Variants in PCDHGA11 observed in about 807,000 individuals in gnomAD.
PCDHGA11 encodes protocadherin gamma-A11.
PCDHGA11 carries 39 observed loss-of-function variants against 60.4 expected under a neutral mutation model. That is an observed-to-expected ratio of 0.65 (90% confidence interval 0.50 to 0.84). PCDHGA11 has a LOEUF of 0.84. Among genes scored for constraint, PCDHGA11 ranks in the 40% least tolerant of loss-of-function variants. The pLI, the probability that PCDHGA11 is intolerant of heterozygous loss-of-function variation, is 0.00. For missense variants in PCDHGA11, 1,165 were observed against 1,197.7 expected, an observed-to-expected ratio of 0.97 and a Z score of 0.40; for synonymous variants, 533 against 510.3, an observed-to-expected ratio of 1.04 and a Z score of -0.60.
At chr5:141,438,287 T>C (rs1183751436) in intron 1 of PCDHGA11, among the ~76,000 whole-genome samples, 1 of 152,054 alleles carries the variant, frequency 6.6e-6, no homozygotes, top group African/African-American at 2.4e-5. Context: ...TAATTTAATC[T>C]GTATGTAAAA....
At chr5:141,502,660 A>T (rs1423714257) in intron 2 of PCDHGA11, among the ~76,000 whole-genome samples, 2 of 152,208 alleles carry the variant, frequency 1.3e-5, no homozygotes, top group African/African-American at 4.8e-5. Flanking sequence ...GCAACCCTTC[A>T]TGCAATTTTA....
chr5:141,497,412 A>G (rs963440048), intron 2 of PCDHGA11, among the ~76,000 whole-genome samples: 13 of 151,982 alleles, frequency 8.6e-5, no homozygotes, highest in African/African-American at 3.1e-4. Flanking sequence ...CTCCCATTCC[A>G]TCAAATGAGA....
At chr5:141,430,392 A>G (rs2097281137) in intron 1 of PCDHGA11, among the ~76,000 whole-genome samples, 1 of 152,136 alleles carries the variant, frequency 6.6e-6, no homozygotes, top group Non-Finnish European at 1.5e-5. Context: ...GGAAAAAAAA[A>G]AAAAGCTCAC....
intron 1 of PCDHGA11, among the ~76,000 whole-genome samples, chr5:141,480,115 G>A (rs1164458958): frequency 6.6e-6 from 1 of 152,110 alleles, no homozygotes; most frequent in African/African-American, 2.4e-5. Flanking sequence ...CATGGTGCCT[G>A]GCATATCATA....
chr5:141,447,257 A>G (rs1182682161), intron 1 of PCDHGA11, among the ~76,000 whole-genome samples: 1 of 152,080 alleles, frequency 6.6e-6, no homozygotes, highest in Non-Finnish European at 1.5e-5. Flanking sequence ...CTTCTGTCTC[A>G]GCCTCCCAAG....
chr5:141,490,908 C>T lies in PCDHGA11; in HGVS notation c.2434-3899C>T, dbSNP rs201078924. On this transcript the variant is annotated intron_variant, in intron 1 of 3. Coordinates refer to ENST00000398587, the MANE Select transcript of PCDHGA11 (RefSeq NM_018914.3). This position sits in a 1 kb window ranked among gnomAD's most constrained non-coding sequence, Gnocchi z 5.4. The stretch of plus-strand genomic sequence containing the variant: ...CATCTCTGCATGTGTTTGTCCTAGA[C>T]GAGAATGATAATGCCCCAGCTGTGC... 42 of 1,613,710 alleles carry T rather than the reference C, an allele frequency of 2.6e-5. No homozygotes were observed. The highest frequency in any genetic ancestry group is 8.3e-5 in the Admixed American group (5 of 60,018).
chr5:141,423,213 C>A lies in PCDHGA11; in HGVS notation c.1986C>A (p.Thr662=). The part of the protein sequence containing the change: ...QPPLSATVTL[T]VAVADSIPEV... ...CTCTCTCGGCCACCGTCACGCTCAC[C>A]GTGGCTGTGGCCGACAGCATCCCCG... The change falls in exon 1 of 4, where the codon ACC becomes ACA. Residue 662 remains threonine (T), a synonymous_variant. Coordinates refer to ENST00000398587, the MANE Select transcript of PCDHGA11 (RefSeq NM_018914.3). 1 of 1,613,710 alleles carries A rather than the reference C, an allele frequency of 6.2e-7. No individual in the cohort carries two copies. The highest frequency in any genetic ancestry group is 8.5e-7 in the Non-Finnish European group (1 of 1,180,010).
At chr5:141,496,509 C>A (rs955577717) in intron 2 of PCDHGA11, among the ~76,000 whole-genome samples, 3 of 152,168 alleles carry the variant, frequency 2.0e-5, no homozygotes, top group Non-Finnish European at 4.4e-5. Context: ...GCCACAAGGA[C>A]CCAGGAGCCC....
In PCDHGA11 at chr5:141,477,377, C is replaced by A. The variant is rs1456451105; in HGVS notation, c.2434-17430C>A. On this transcript the variant is annotated intron_variant, in intron 1 of 3. Coordinates refer to ENST00000398587, the MANE Select transcript of PCDHGA11 (RefSeq NM_018914.3). This position sits in a 1 kb window ranked among gnomAD's most constrained non-coding sequence, Gnocchi z 4.9. ...TGCAGACCTGGATCGGGAGACTGTG[C>A]CAGAATACAACCTCAGCATCACCGC... 1.2e-6 allele frequency: 2 copies of A among 1,614,026 alleles called. No homozygotes were observed. The highest frequency in any genetic ancestry group is 1.7e-6 in the Non-Finnish European group (2 of 1,180,032).
Position 141,432,076 on chromosome 5 carries a change from G to T in PCDHGA11, c.2433+8416G>T. ...CCCTATCCACGGAAACTCATATCTC[G>T]CTGAACGTGGCAGACACCAACGACA... On this transcript the variant is annotated intron_variant, in intron 1 of 3. Transcript: ENST00000398587. This position sits in a 1 kb window ranked among gnomAD's most constrained non-coding sequence, Gnocchi z 6.0. 1.2e-6 allele frequency: 2 copies of T among 1,614,160 alleles called. No homozygotes were observed. Among genetic ancestry groups the T allele is most frequent in the Non-Finnish European group, 1.7e-6 (2 of 1,180,024 alleles).
intron 1 of PCDHGA11, among the ~76,000 whole-genome samples, chr5:141,429,660 ATATAT>A (rs1388009014): frequency 1.3e-5 from 2 of 152,336 alleles, no homozygotes; most frequent in African/African-American, 4.8e-5. Flanking sequence ...CCAATTTAAA[ATATAT>A]TATTTTATTT....
intron 1 of PCDHGA11, chr5:141,426,408 G>A (rs2096933631): frequency 1.2e-5 from 3 of 258,388 alleles, no homozygotes; most frequent in South Asian, 4.8e-5. Flanking sequence ...CAGAAGAAAC[G>A]GTCCAGGGCT....
At chr5:141,510,677 A>G (rs2099882239) in intron 3 of PCDHGA11, among the ~76,000 whole-genome samples, 2 of 152,212 alleles carry the variant, frequency 1.3e-5, no homozygotes, top group African/African-American at 4.8e-5. Context: ...CTGAAGTGGC[A>G]TAAGGAGGTT....
chr5:141,477,639 G>T lies in PCDHGA11; in HGVS notation c.2434-17168G>T, dbSNP rs2099414883. ...GGAGCTGAAACCGGGCTAGTGGGTCGCTATTTCACAATAAATCGTGACAAT... is the reference window on the plus strand; with the variant it reads ...GGAGCTGAAACCGGGCTAGTGGGTCTCTATTTCACAATAAATCGTGACAAT... On this transcript the variant is annotated intron_variant, in intron 1 of 3. Transcript: ENST00000398587. The surrounding 1 kb of genome is among the most constrained non-coding windows in gnomAD (Gnocchi z 4.9). 3.1e-6 allele frequency: 5 copies of T among 1,614,004 alleles called. No homozygotes were observed. Among genetic ancestry groups the T allele is most frequent in the Non-Finnish European group, 4.2e-6 (5 of 1,180,034 alleles).
rs367578838 is a variant in PCDHGA11, at chr5:141,432,537, C to A, written c.2433+8877C>A. The A allele has an allele frequency of 5.0e-6, 8 of 1,613,882 alleles. No individual in the cohort carries two copies. Among genetic ancestry groups the A allele is most frequent in the African/African-American group, 1.3e-5 (1 of 74,922 alleles). Reference sequence around the variant, plus strand: ...GGCTACCTGGTGACCAAGGTGGTGGCGGTGGACAGAGACTCCGGCCAGAAC... The same window carrying A: ...GGCTACCTGGTGACCAAGGTGGTGGAGGTGGACAGAGACTCCGGCCAGAAC... On this transcript the variant is annotated intron_variant, in intron 1 of 3. Coordinates refer to ENST00000398587, the MANE Select transcript of PCDHGA11 (RefSeq NM_018914.3). This position sits in a 1 kb window ranked among gnomAD's most constrained non-coding sequence, Gnocchi z 6.0.
Position 141,487,665 on chromosome 5 carries a change from G to T in PCDHGA11, c.2434-7142G>T, listed in dbSNP as rs373971935. 8.7e-5 allele frequency: 141 copies of T among 1,612,724 alleles called. No individual in the cohort carries two copies. The highest frequency in any genetic ancestry group is 1.1e-4 in the Non-Finnish European group (135 of 1,179,392). On this transcript the variant is annotated intron_variant, in intron 1 of 3. Coordinates refer to ENST00000398587, the MANE Select transcript of PCDHGA11 (RefSeq NM_018914.3). The surrounding 1 kb of genome is among the most constrained non-coding windows in gnomAD (Gnocchi z 5.0). ...ATGCTTGAGGGTTATTCTGATCCAG[G>T]CATATGGCTAGGCCATGTCCTAGAG...
At position 141,431,134 on chromosome 5, in the gene PCDHGA11, C is replaced by T; in HGVS notation, c.2433+7474C>T. 1 of 1,614,212 alleles carries T rather than the reference C, an allele frequency of 6.2e-7. No homozygotes were observed. The highest frequency in any genetic ancestry group is 2.2e-5 in the East Asian group (1 of 44,890). On this transcript the variant is annotated intron_variant, in intron 1 of 3. Coordinates refer to ENST00000398587, the MANE Select transcript of PCDHGA11 (RefSeq NM_018914.3). This position sits in a 1 kb window ranked among gnomAD's most constrained non-coding sequence, Gnocchi z 4.8. ...ATGGAGTAGAAGTAGAAGTAAGGGA[C>T]ATTAACGACAATGCGCCTTACTTTC...
chr5:141,483,814 C>A (rs1262593892), intron 1 of PCDHGA11, among the ~76,000 whole-genome samples: 4 of 151,994 alleles, frequency 2.6e-5, no homozygotes, highest in African/African-American at 9.7e-5. Flanking sequence ...TTTTTGGCAG[C>A]CAGTGTAACC....
At chr5:141,499,057 A>G (rs1361057448) in intron 2 of PCDHGA11, among the ~76,000 whole-genome samples, 1 of 152,036 alleles carries the variant, frequency 6.6e-6, no homozygotes, top group Non-Finnish European at 1.5e-5. Flanking sequence ...GAAAAAATGA[A>G]GAAGACTTAC....
Sources: gnomAD v4.1 joint callset for allele counts (sites outside exome capture counted in the v4.1 genomes callset) on GRCh38, gnomAD v4.1.1 for gene constraint, Gnocchi (gnomAD v3.1) non-coding constraint, MANE v1.5 for transcripts, NCBI Gene and HGNC (gene_info 2026-07-23, HGNC 2026-07-21) for gene names.